The following SHISA9 variants were observed in gnomAD, a reference collection of about 807,000 sequenced individuals.
SHISA9 encodes shisa family member 9.
Under a neutral mutation model 38.0 loss-of-function variants are expected in SHISA9, and 13 were observed. That is an observed-to-expected ratio of 0.34 (90% CI 0.22 to 0.54). The LOEUF (loss-of-function observed/expected upper bound fraction) is 0.54. Among genes scored for constraint, SHISA9 ranks in the 20% least tolerant of loss-of-function variants. The probability of loss-of-function intolerance (pLI) is 0.91; values close to 1 mark genes in which losing one functional copy is unlikely to be tolerated. For missense variants in SHISA9, 538 were observed against 575.8 expected (o/e 0.93, Z 0.67); for synonymous variants, 275 against 242.0 (o/e 1.14, Z -1.27).
intron 1 of SHISA9, among the ~76,000 whole-genome samples, chr16:12,915,430 G>A (rs1006724444): frequency 6.6e-6 from 1 of 152,188 alleles, no homozygotes; most frequent in African/African-American, 2.4e-5. Flanking sequence ...GGGTGACAGA[G>A]CAAGACCCTA....
At chr16:13,143,578 T>C (rs982815520) in intron 2 of SHISA9, among the ~76,000 whole-genome samples, 4 of 152,172 alleles carry the variant, frequency 2.6e-5, no homozygotes, top group African/African-American at 9.6e-5. Flanking sequence ...TGATCCCTCT[T>C]GATGTGATCA....
intron 2 of SHISA9, among the ~76,000 whole-genome samples, chr16:12,940,431 A>C: frequency 7.6e-6 from 1 of 130,756 alleles, no homozygotes; most frequent in Non-Finnish European, 1.6e-5. Context: ...CCCATAAATG[A>C]CCCCCCATCT....
the SHISA9 span, among the ~76,000 whole-genome samples, chr16:13,470,697 C>G: frequency 6.6e-6 from 1 of 152,096 alleles, no homozygotes; most frequent in Non-Finnish European, 1.5e-5. Flanking sequence ...ACAGCCAAAC[C>G]ATATCAAAGA....
At chr16:13,060,562 T>G (rs2073361823) in intron 2 of SHISA9, among the ~76,000 whole-genome samples, 1 of 144,610 alleles carries the variant, frequency 6.9e-6, no homozygotes, top group Non-Finnish European at 1.5e-5. Context: ...AAATACACTC[T>G]GGAGGCTGAG....
the SHISA9 span, among the ~76,000 whole-genome samples, chr16:13,561,062 C>T: frequency 6.6e-6 from 1 of 152,120 alleles, no homozygotes; most frequent in South Asian, 2.1e-4. Flanking sequence ...TGGGTTTTCA[C>T]CATGTTGGCC....
chr16:13,351,479 A>C, the SHISA9 span, among the ~76,000 whole-genome samples: 1 of 152,312 alleles, frequency 6.6e-6, no homozygotes, highest in South Asian at 2.1e-4. Flanking sequence ...GAGGTTGAAC[A>C]TGCAAAGGAA....
chr16:13,404,365 CAT>C, the SHISA9 span, among the ~76,000 whole-genome samples: 2 of 152,122 alleles, frequency 1.3e-5, no homozygotes, highest in South Asian at 4.1e-4. Flanking sequence ...GCTTTGAAGT[CAT>C]ATATTAGAGA....
At chr16:13,304,679 T>C in the SHISA9 span, among the ~76,000 whole-genome samples, 5 of 152,206 alleles carry the variant, frequency 3.3e-5, no homozygotes, top group African/African-American at 1.2e-4. Flanking sequence ...GTGTGTTTTT[T>C]ATTCCCGCAA....
the SHISA9 span, among the ~76,000 whole-genome samples, chr16:13,276,144 C>T: frequency 6.6e-6 from 1 of 152,040 alleles, no homozygotes; most frequent in Non-Finnish European, 1.5e-5. Context: ...TATAGCTTAA[C>T]TCCCACATAT....
chr16:13,539,897 T>C, the SHISA9 span, among the ~76,000 whole-genome samples: 1 of 150,842 alleles, frequency 6.6e-6, no homozygotes, highest in Non-Finnish European at 1.5e-5. Context: ...GGCCACCAGC[T>C]TCATCCATGC....
intron 2 of SHISA9, among the ~76,000 whole-genome samples, chr16:13,086,315 A>T (rs1318950518): frequency 2.1e-5 from 3 of 145,880 alleles, no homozygotes; most frequent in Admixed American, 7.1e-5. Flanking sequence ...AGATCATGCC[A>T]CTGCACTCCA....
the SHISA9 span, among the ~76,000 whole-genome samples, chr16:13,438,894 C>T: frequency 6.6e-6 from 1 of 152,200 alleles, no homozygotes; most frequent in Non-Finnish European, 1.5e-5. Context: ...TCCCAGCTGT[C>T]TCTGATAATG....
chr16:13,270,713 C>T, the SHISA9 span, among the ~76,000 whole-genome samples: 2 of 152,242 alleles, frequency 1.3e-5, no homozygotes, highest in Non-Finnish European at 2.9e-5. Context: ...TAATTATACA[C>T]TTACATAAGG....
At chr16:13,384,942 C>G in the SHISA9 span, among the ~76,000 whole-genome samples, 4 of 152,094 alleles carry the variant, frequency 2.6e-5, no homozygotes, top group African/African-American at 9.7e-5. Context: ...GAAGTAGTAT[C>G]TGTAATCCAT....
intron 3 of SHISA9, among the ~76,000 whole-genome samples, chr16:13,210,734 A>C (rs153077): frequency 0.65 from 98,304 of 152,076 alleles, 33,436 homozygotes; most frequent in African/African-American, 0.87. Context: ...AGGCATCAGT[A>C]CCCCCCGTTT....
chr16:13,513,005 A>G, the SHISA9 span, among the ~76,000 whole-genome samples: 1 of 152,254 alleles, frequency 6.6e-6, no homozygotes, highest in African/African-American at 2.4e-5. Context: ...CAAAATTGAC[A>G]AATGGGACCT....
At chr16:13,043,198 G>A (rs2073151434) in intron 2 of SHISA9, among the ~76,000 whole-genome samples, 1 of 152,130 alleles carries the variant, frequency 6.6e-6, no homozygotes, top group African/African-American at 2.4e-5. Flanking sequence ...TAAGTGGTGG[G>A]GGGAATGGTG....
the SHISA9 span, among the ~76,000 whole-genome samples, chr16:13,496,670 T>C: frequency 6.6e-5 from 10 of 152,122 alleles, no homozygotes; most frequent in Non-Finnish European, 1.5e-4. Flanking sequence ...AATTATCGTC[T>C]GGAGGTGATG....
At chr16:13,013,992 G>C (rs9926108) in intron 2 of SHISA9, among the ~76,000 whole-genome samples, 4,620 of 152,204 alleles carry the variant, frequency 0.03, 221 homozygotes, top group African/African-American at 0.1. Context: ...GCCTCCCAAA[G>C]TGCTGGGATT....
Sources: allele counts gnomAD v4.1 joint callset (sites outside exome capture counted in the v4.1 genomes callset), GRCh38; gene constraint gnomAD v4.1.1; transcripts MANE v1.5; gene names NCBI Gene and HGNC (gene_info 2026-07-23, HGNC 2026-07-21).